EPHA5: variants seen among roughly 807,000 people sequenced by gnomAD.
The protein encoded by EPHA5 is EPH receptor A5.
A neutral mutation model predicts 105.0 loss-of-function variants in EPHA5; 60 were observed. The ratio of observed to expected loss-of-function variants is 0.57; its 90% CI spans 0.46 to 0.71. The LOEUF (loss-of-function observed/expected upper bound fraction) is 0.71. Among genes scored for constraint, EPHA5 ranks in the 30% least tolerant of loss-of-function variants. The probability of loss-of-function intolerance (pLI) is 0.00; values close to 1 mark genes in which losing one functional copy is unlikely to be tolerated. For missense variants in EPHA5, 1,218 were observed against 1,274.7 expected, an observed-to-expected ratio of 0.96 and a Z score of 0.68; for synonymous variants, 513 against 449.1, an observed-to-expected ratio of 1.14 and a Z score of -1.80.
chr4:65,372,123 C>T (rs1301500774), intron 8 of EPHA5, among the ~76,000 whole-genome samples: 1 of 151,826 alleles, frequency 6.6e-6, no homozygotes, highest in African/African-American at 2.4e-5. Flanking sequence ...ATAACAAGGA[C>T]CTCAACCATT....
chr4:65,394,215 G>T (rs1019038561), intron 8 of EPHA5, among the ~76,000 whole-genome samples: 3 of 152,084 alleles, frequency 2.0e-5, no homozygotes, highest in African/African-American at 7.2e-5. Flanking sequence ...ATTTCTAAGA[G>T]ATGTTTTATT....
intron 3 of EPHA5, among the ~76,000 whole-genome samples, chr4:65,578,018 C>T (rs919311222): frequency 1.5e-4 from 23 of 152,126 alleles, no homozygotes; most frequent in Admixed American, 1.3e-4. Flanking sequence ...TAAGTGAATA[C>T]AAGTTAATTA....
At chr4:65,405,184 C>T (rs1343240668) in intron 7 of EPHA5, among the ~76,000 whole-genome samples, 1 of 151,906 alleles carries the variant, frequency 6.6e-6, no homozygotes, top group East Asian at 1.9e-4. Context: ...CATAAAATTC[C>T]CATTATAAGA....
At chr4:65,497,488 T>A (rs1224876242) in intron 3 of EPHA5, among the ~76,000 whole-genome samples, 1 of 152,086 alleles carries the variant, frequency 6.6e-6, no homozygotes, top group African/African-American at 2.4e-5. Context: ...TAGGAGAAGA[T>A]TTAAAATATT....
At chr4:65,490,234 T>C (rs2149211391) in intron 5 of EPHA5, 143 bp downstream of exon 5, 3 of 660,994 alleles carry the variant, frequency 4.5e-6, no homozygotes, top group African/African-American at 1.8e-5. Flanking sequence ...GCAAAAGCGT[T>C]TTTGATGTGT....
intron 16 of EPHA5, among the ~76,000 whole-genome samples, chr4:65,325,376 T>C (rs909072455): frequency 1.3e-5 from 2 of 151,172 alleles, no homozygotes; most frequent in African/African-American, 2.4e-5. Context: ...ATTGGAAATA[T>C]TTTTTTCCAA....
chr4:65,585,368 A>T (rs2149404728), intron 3 of EPHA5, among the ~76,000 whole-genome samples: 1 of 152,048 alleles, frequency 6.6e-6, no homozygotes, highest in South Asian at 2.1e-4. Flanking sequence ...AAACAAAAAA[A>T]ATCAGAAAAC....
chr4:65,669,538 C>A (rs757199178), intron 1 of EPHA5, 24 bp downstream of exon 1: 8 of 1,359,806 alleles, frequency 5.9e-6, no homozygotes, highest in Admixed American at 6.1e-5. Flanking sequence ...CAGGTCGCCA[C>A]GGTCCCCACC....
intron 2 of EPHA5, among the ~76,000 whole-genome samples, chr4:65,633,525 A>G (rs1019341831): frequency 4.6e-5 from 7 of 152,182 alleles, no homozygotes; most frequent in Admixed American, 2.0e-4. Flanking sequence ...TTATACTCAC[A>G]TACGGAAACT....
At chr4:65,462,960 G>T (rs1216142186) in intron 5 of EPHA5, among the ~76,000 whole-genome samples, 1 of 152,044 alleles carries the variant, frequency 6.6e-6, no homozygotes, top group African/African-American at 2.4e-5. Context: ...TCTTTACTTA[G>T]GTCTCTAAAG....
intron 3 of EPHA5, among the ~76,000 whole-genome samples, chr4:65,600,323 C>A (rs1159962412): frequency 2.6e-5 from 4 of 151,968 alleles, no homozygotes; most frequent in Non-Finnish European, 4.4e-5. Flanking sequence ...TTTGATGGAA[C>A]AAAACTTTCA....
intron 4 of EPHA5, 121 bp downstream of exon 4, chr4:65,495,267 G>C: frequency 9.0e-7 from 1 of 1,109,970 alleles, no homozygotes; most frequent in South Asian, 1.6e-5. Flanking sequence ...ACTGTATAGA[G>C]ATGATTAAAC....
chr4:65,554,849 A>G (rs1738252876), intron 3 of EPHA5, among the ~76,000 whole-genome samples: 1 of 151,838 alleles, frequency 6.6e-6, no homozygotes, highest in African/African-American at 2.4e-5. Flanking sequence ...AGAGATAAAC[A>G]TCCTTGGTAC....
intron 3 of EPHA5, among the ~76,000 whole-genome samples, chr4:65,570,607 C>T (rs887684911): frequency 2.6e-5 from 4 of 151,662 alleles, no homozygotes; most frequent in Non-Finnish European, 5.9e-5. Flanking sequence ...AAAAAAAGGT[C>T]ATGATTATAC....
At chr4:65,653,133 T>C (rs34276862) in intron 1 of EPHA5, among the ~76,000 whole-genome samples, 40,512 of 151,850 alleles carry the variant, frequency 0.27, 6,154 homozygotes, top group East Asian at 0.57. Flanking sequence ...ATATAATCAT[T>C]AGCTTTCCAG....
chr4:65,476,848 T>C (rs146360244), intron 5 of EPHA5, among the ~76,000 whole-genome samples: 68 of 152,316 alleles, frequency 4.5e-4, no homozygotes, highest in African/African-American at 1.6e-3. Flanking sequence ...ACCTATCTAT[T>C]AATTACAATT....
chr4:65,333,868 G>A (rs1351324381), intron 15 of EPHA5, among the ~76,000 whole-genome samples: 2 of 151,352 alleles, frequency 1.3e-5, no homozygotes, highest in African/African-American at 2.4e-5. Flanking sequence ...CTCCACATCC[G>A]TGTGCTCTTG....
chr4:65,662,884 C>A (rs1000355358), intron 1 of EPHA5, among the ~76,000 whole-genome samples: 8 of 151,952 alleles, frequency 5.3e-5, no homozygotes, highest in African/African-American at 1.9e-4. Flanking sequence ...GCACATACAC[C>A]AAAATTCCAG....
chr4:65,626,241 C>A (rs1374114366), intron 2 of EPHA5, among the ~76,000 whole-genome samples: 1 of 151,458 alleles, frequency 6.6e-6, no homozygotes, highest in Non-Finnish European at 1.5e-5. Context: ...TTATCACAAA[C>A]AATGAAAGAA....
Sources: allele counts gnomAD v4.1 joint callset (sites outside exome capture counted in the v4.1 genomes callset), GRCh38; gene constraint gnomAD v4.1.1; transcripts MANE v1.5; gene names NCBI Gene and HGNC (gene_info 2026-07-23, HGNC 2026-07-21).